Variants in PHKB observed in about 807,000 individuals in gnomAD.
The protein encoded by PHKB is phosphorylase b kinase regulatory subunit beta.
In PHKB, 122 loss-of-function variants were observed where a neutral mutation model predicts 152.1. The observed-to-expected ratio is 0.80, with a 90% CI of 0.69 to 0.93. PHKB has a LOEUF of 0.93. Ranked by LOEUF, PHKB falls within the 40% of genes least tolerant of loss-of-function variation. The probability of loss-of-function intolerance (pLI) is 0.00; values close to 1 mark genes in which losing one functional copy is unlikely to be tolerated. For synonymous variants in PHKB, 436 were observed against 464.9 expected (o/e 0.94, Z 0.80); for missense variants, 1,304 against 1,328.4 (o/e 0.98, Z 0.29).
intron 14 of PHKB, among the ~76,000 whole-genome samples, chr16:47,628,620 G>C (rs780579656): frequency 1.3e-5 from 2 of 152,188 alleles, no homozygotes; most frequent in Non-Finnish European, 2.9e-5. Context: ...CATGCTATAT[G>C]ATTTAACAGA....
At chr16:47,675,502 C>CACGT (rs1973712682) in intron 26 of PHKB, 1 of 72,072 alleles carries the variant, frequency 1.4e-5, no homozygotes, top group Non-Finnish European at 3.3e-5. Flanking sequence ...CACACACGTA[C>CACGT]ACACACACAC....
chr16:47,497,364 G>T (rs757781197), intron 1 of PHKB, 35 bp from the exon 2 acceptor site: 8 of 1,276,966 alleles, frequency 6.3e-6, no homozygotes, highest in South Asian at 2.4e-5. Context: ...TTGTGAAAAT[G>T]ACTGAATTTG....
chr16:47,628,830 G>A (rs973238011), intron 14 of PHKB, among the ~76,000 whole-genome samples: 2 of 152,034 alleles, frequency 1.3e-5, no homozygotes, highest in Non-Finnish European at 2.9e-5. Flanking sequence ...CAGAGATATA[G>A]ATCAATGGAA....
intron 26 of PHKB, among the ~76,000 whole-genome samples, chr16:47,678,820 G>C (rs1300185875): frequency 1.8e-4 from 28 of 152,044 alleles, no homozygotes; most frequent in Admixed American, 1.4e-3. Context: ...ATTGCTTTTG[G>C]TGTTTTAGAC....
At chr16:47,479,405 C>T (rs1969926010) in intron 1 of PHKB, among the ~76,000 whole-genome samples, 2 of 152,040 alleles carry the variant, frequency 1.3e-5, no homozygotes, top group Middle Eastern at 3.4e-3. Context: ...ATTTTGATCT[C>T]TGGCATCTTC....
intron 7 of PHKB, among the ~76,000 whole-genome samples, chr16:47,576,908 T>C (rs1234868811): frequency 2.0e-5 from 3 of 152,138 alleles, no homozygotes; most frequent in African/African-American, 7.2e-5. Context: ...TGCAAATCTC[T>C]TTCTTTCAAT....
chr16:47,491,327 C>A (rs181181521), intron 1 of PHKB, among the ~76,000 whole-genome samples: 158 of 152,194 alleles, frequency 1.0e-3, no homozygotes, highest in Middle Eastern at 3.4e-3. Flanking sequence ...GCAAGCAAGT[C>A]AAATAGTTCT....
At position 47,698,601 on chromosome 16, in the gene PHKB, C is replaced by CTTTTT. The variant is rs5816579; in HGVS notation, c.3144+30_3144+34dup. ...AATTGAAAAACAAGTAAGTACACAG[C>CTTTTT]TTTTTTTTTTTTTTTTTTTTTGAGA... is the stretch of plus-strand genomic sequence containing the variant. On this transcript the variant is annotated intron_variant, in intron 30 of 30. Transcript: ENST00000323584. 812 of 729,596 alleles carry CTTTTT rather than the reference C, an allele frequency of 1.1e-3. 1 individual carries two copies. Among genetic ancestry groups the CTTTTT allele is most frequent in the South Asian group, 1.8e-3 (79 of 44,386 alleles). The allele number at this position is 729,596 out of a possible 1,614,324, so 45.2% of individuals were successfully genotyped here.
intron 5 of PHKB, among the ~76,000 whole-genome samples, chr16:47,513,897 G>A (rs1970551286): frequency 6.6e-6 from 1 of 152,140 alleles, no homozygotes; most frequent in Non-Finnish European, 1.5e-5. Context: ...TATATAGTTT[G>A]ATGGTTTTTA....
At chr16:47,545,173 A>G (rs921153736) in intron 6 of PHKB, among the ~76,000 whole-genome samples, 1 of 152,166 alleles carries the variant, frequency 6.6e-6, no homozygotes, top group Non-Finnish European at 1.5e-5. Flanking sequence ...TAATTGATGC[A>G]GTTTCTTCCT....
intron 13 of PHKB, chr16:47,598,943 G>A: frequency 1.3e-6 from 2 of 1,528,222 alleles, no homozygotes; most frequent in Non-Finnish European, 9.0e-7. Context: ...AGCCTCTCAT[G>A]TGGAGTATTG....
rs1485618492 is a variant in PHKB, at chr16:47,698,506, A to G, written c.3062A>G (p.Lys1021Arg). The change falls in exon 30 of 31, where the codon AAA (lysine) becomes AGA (arginine). Residue 1021 changes from lysine (K) to arginine (R), a missense_variant. Lys to Arg is a conservative substitution (Grantham distance 26). Transcript: ENST00000323584. ...AACCCCGAGCTAGAATTTCAAGACA[A>G]AGTAGATCTAGACAGACTGGTCAAA... ...ERNPELEFQD[K>R]VDLDRLVKEA... The G allele has an allele frequency of 2.5e-6, 4 of 1,610,704 alleles. No homozygotes were observed. The highest frequency in any genetic ancestry group is 2.5e-6 in the Non-Finnish European group (3 of 1,177,100).
In PHKB at chr16:47,504,323, T is replaced by C. The variant is rs373304090; in HGVS notation, c.405+1233T>C. ...TTGAGATTTTTATTGCTCAGGGTTT[T>C]TGTTAGTGGTTGGTCATGTGGGTAT... is the stretch of plus-strand genomic sequence containing the variant. On this transcript the variant is annotated intron_variant, in intron 4 of 30. Coordinates refer to ENST00000323584, the MANE Select transcript of PHKB (RefSeq NM_000293.3). Among the ~76,000 whole-genome samples the C allele has an allele frequency of 5.3e-5, 8 of 152,340 alleles. No homozygotes were observed. In the East Asian group the frequency reaches 1.5e-3, roughly 29 times the overall value.
At chr16:47,650,277 G>A (rs1212306755) in intron 18 of PHKB, among the ~76,000 whole-genome samples, 1 of 151,902 alleles carries the variant, frequency 6.6e-6, no homozygotes, top group Non-Finnish European at 1.5e-5. Context: ...AAAAAGAGGG[G>A]GAAAACACAT....
chr16:47,555,825 G>A (rs962495608), intron 7 of PHKB, among the ~76,000 whole-genome samples: 2 of 152,220 alleles, frequency 1.3e-5, no homozygotes, highest in Non-Finnish European at 2.9e-5. Flanking sequence ...GTCGTTGGTA[G>A]CTTGATGGGG....
At chr16:47,519,815 A>T (rs1970656614) in intron 6 of PHKB, among the ~76,000 whole-genome samples, 1 of 152,130 alleles carries the variant, frequency 6.6e-6, no homozygotes, top group South Asian at 2.1e-4. Flanking sequence ...TTTTTAGTTG[A>T]ACTTCGTTAG....
chr16:47,622,697 T>C (rs1305775959), intron 14 of PHKB, among the ~76,000 whole-genome samples: 1 of 152,224 alleles, frequency 6.6e-6, no homozygotes. Context: ...TGACAGTCTT[T>C]GGAGAAAAGG....
intron 15 of PHKB, among the ~76,000 whole-genome samples, chr16:47,641,319 A>G (rs1973017221): frequency 6.6e-6 from 1 of 152,196 alleles, no homozygotes; most frequent in African/African-American, 2.4e-5. Flanking sequence ...GACCAGTGCC[A>G]GTGTTGCCTG....
intron 24 of PHKB, 196 bp from the exon 25 acceptor site, chr16:47,664,689 G>T (rs1318959592): frequency 1.7e-6 from 1 of 588,918 alleles, no homozygotes; most frequent in African/African-American, 1.9e-5. Flanking sequence ...TTCTTAGCCA[G>T]TAAGTTTCAA....
Sources: gnomAD v4.1 joint callset for allele counts (sites outside exome capture counted in the v4.1 genomes callset) on GRCh38, gnomAD v4.1.1 for gene constraint, MANE v1.5 for transcripts, NCBI Gene and HGNC (gene_info 2026-07-23, HGNC 2026-07-21) for gene names.